The following DHRSX variants were observed in gnomAD, a reference collection of about 807,000 sequenced individuals.
DHRSX encodes the protein polyprenol dehydrogenase.
A neutral mutation model predicts 34.0 loss-of-function variants in DHRSX; 31 were observed. The ratio of observed to expected loss-of-function variants is 0.91; its 90% CI spans 0.69 to 1.23. DHRSX has a LOEUF of 1.23. Among genes scored for constraint, DHRSX ranks in the 50% most tolerant of loss-of-function variants. DHRSX has a pLI of 0.00. For missense variants in DHRSX, 414 were observed against 428.1 expected (o/e 0.97, Z 0.29); for synonymous variants, 201 against 183.8 (o/e 1.09, Z -0.76).
chrX:2,442,928 CACATGTCACTATGATAAGACAATG>C (rs1409622987), intron 1 of DHRSX, among the ~76,000 whole-genome samples: 1 of 152,190 alleles, frequency 6.6e-6, no homozygotes, highest in African/African-American at 2.4e-5. Flanking sequence ...CGTGTTCCGT[CACATGTCACTATGATAAGACAATG>C]ACTTGTGTGT....
intron 3 of DHRSX, among the ~76,000 whole-genome samples, chrX:2,353,758 T>C (rs183436757): frequency 0.019 from 2,879 of 151,954 alleles, 49 homozygotes; most frequent in Non-Finnish European, 0.034. Context: ...TAATTTTGTT[T>C]TTTTTTAGTA....
intron 5 of DHRSX, among the ~76,000 whole-genome samples, chrX:2,266,000 T>A (rs1323407868): frequency 2.2e-5 from 2 of 93,000 alleles, no homozygotes; most frequent in African/African-American, 4.6e-5. Flanking sequence ...GCACCAGTGC[T>A]CGGCAGACGC....
intron 1 of DHRSX, among the ~76,000 whole-genome samples, chrX:2,457,176 G>A (rs1305024742): frequency 6.6e-6 from 1 of 152,014 alleles, no homozygotes; most frequent in Non-Finnish European, 1.5e-5. Flanking sequence ...CCCCATGTAT[G>A]AACTGAAGAC....
At chrX:2,247,254 A>G (rs62595482) in intron 5 of DHRSX, among the ~76,000 whole-genome samples, 108,074 of 151,772 alleles carry the variant, frequency 0.71, 39,811 homozygotes, top group African/African-American at 0.81. Context: ...TGGCCCTGGT[A>G]TTGGTTTCTA....
chrX:2,314,453 GGGAGGAAGGAAGGGGA>G (rs1340612108), intron 3 of DHRSX, among the ~76,000 whole-genome samples: 1 of 111,352 alleles, frequency 9.0e-6, no homozygotes. Flanking sequence ...AAGGGGAGAA[GGGAGGAAGGAAGGGGA>G]GAAGGAAGGA....
At chrX:2,391,478 G>C (rs2124621475) in intron 3 of DHRSX, among the ~76,000 whole-genome samples, 1 of 152,258 alleles carries the variant, frequency 6.6e-6, no homozygotes, top group East Asian at 1.9e-4. Context: ...AGGAGCCATA[G>C]GTAGGAATTC....
intron 3 of DHRSX, among the ~76,000 whole-genome samples, chrX:2,336,803 A>G (rs1439898616): frequency 6.6e-6 from 1 of 151,564 alleles, no homozygotes; most frequent in Non-Finnish European, 1.5e-5. Context: ...AAGACTTCCA[A>G]GTGTGTGGTC....
At chrX:2,276,796 ATAGG>A in intron 4 of DHRSX, among the ~76,000 whole-genome samples, 1 of 146,712 alleles carries the variant, frequency 6.8e-6, no homozygotes, top group Non-Finnish European at 1.5e-5. Context: ...GAGGGAGGAA[ATAGG>A]GAGAAAGAGA....
At chrX:2,452,308 T>C (rs2044233139) in intron 1 of DHRSX, among the ~76,000 whole-genome samples, 1 of 151,524 alleles carries the variant, frequency 6.6e-6, no homozygotes, top group Non-Finnish European at 1.5e-5. Flanking sequence ...CTGAAGACGT[T>C]CCCTAAGAAT....
At chrX:2,428,220 T>C (rs1285104600) in intron 1 of DHRSX, among the ~76,000 whole-genome samples, 1 of 152,200 alleles carries the variant, frequency 6.6e-6, no homozygotes, top group Non-Finnish European at 1.5e-5. Flanking sequence ...AATATATTCA[T>C]GTAACACAAG....
chrX:2,428,153 A>G (rs2043872580), intron 1 of DHRSX, among the ~76,000 whole-genome samples: 1 of 152,202 alleles, frequency 6.6e-6, no homozygotes, highest in South Asian at 2.1e-4. Context: ...CCTATTGGCT[A>G]CCATGTACGT....
chrX:2,299,044 C>T (rs2041980719), intron 3 of DHRSX, among the ~76,000 whole-genome samples: 1 of 148,802 alleles, frequency 6.7e-6, no homozygotes. Context: ...TTCCTTAACT[C>T]ATTGTCTGCG....
chrX:2,258,317 A>C (rs1323716538), intron 5 of DHRSX, among the ~76,000 whole-genome samples: 36 of 151,056 alleles, frequency 2.4e-4, no homozygotes, highest in African/African-American at 8.5e-4. Flanking sequence ...GATGGCGTCT[A>C]CAAGTCCAGC....
intron 3 of DHRSX, among the ~76,000 whole-genome samples, chrX:2,311,106 TGAGAGACA>T (rs2042159986): frequency 1.4e-5 from 2 of 139,566 alleles, no homozygotes; most frequent in Non-Finnish European, 3.1e-5. Flanking sequence ...ACACAGAAAC[TGAGAGACA>T]GAGAGAATAA....
chrX:2,432,665 G>C (rs747452967), intron 1 of DHRSX, among the ~76,000 whole-genome samples: 9 of 152,266 alleles, frequency 5.9e-5, no homozygotes, highest in African/African-American at 1.9e-4. Flanking sequence ...ATTAGTGCCA[G>C]ACCTCATAGC....
intron 4 of DHRSX, among the ~76,000 whole-genome samples, chrX:2,271,924 C>A (rs1442637603): frequency 6.6e-6 from 1 of 151,956 alleles, no homozygotes; most frequent in Non-Finnish European, 1.5e-5. Context: ...GCCTGTAATC[C>A]CAGCTACTCG....
At chrX:2,313,009 T>TC (rs1352725786) in intron 3 of DHRSX, among the ~76,000 whole-genome samples, 2 of 151,478 alleles carry the variant, frequency 1.3e-5, no homozygotes, top group Non-Finnish European at 2.9e-5. Flanking sequence ...GATATATATT[T>TC]TTTTTTTTTT....
chrX:2,361,025 G>C (rs1419115063), intron 3 of DHRSX, among the ~76,000 whole-genome samples: 1 of 152,206 alleles, frequency 6.6e-6, no homozygotes, highest in East Asian at 1.9e-4. Flanking sequence ...AGCTCCTACT[G>C]GCTGCTACCT....
intron 2 of DHRSX, among the ~76,000 whole-genome samples, chrX:2,411,138 C>A (rs1210248061): frequency 3.9e-5 from 6 of 152,056 alleles, no homozygotes; most frequent in South Asian, 2.1e-4. Flanking sequence ...TCAAGGTAAC[C>A]TTTACACTGG....
Sources: allele counts gnomAD v4.1 joint callset (sites outside exome capture counted in the v4.1 genomes callset), GRCh38; gene constraint gnomAD v4.1.1; transcripts MANE v1.5; gene names NCBI Gene and HGNC (gene_info 2026-07-23, HGNC 2026-07-21).